PTPN13: variants seen among roughly 807,000 people sequenced by gnomAD.
PTPN13 encodes the protein tyrosine-protein phosphatase non-receptor type 13.
PTPN13 carries 191 observed loss-of-function variants against 284.0 expected under a neutral mutation model. That is an observed-to-expected ratio of 0.67 (90% confidence interval 0.60 to 0.76). The LOEUF (loss-of-function observed/expected upper bound fraction) is 0.76. Ranked by LOEUF, PTPN13 falls within the 30% of genes least tolerant of loss-of-function variation. PTPN13 has a pLI of 0.00. For missense variants in PTPN13, 2,797 were observed against 2,939.9 expected (o/e 0.95, Z 1.12); for synonymous variants, 986 against 1,022.3 (o/e 0.96, Z 0.68).
intron 35 of PTPN13, among the ~76,000 whole-genome samples, chr4:86,778,689 T>C (rs1740924449): frequency 6.6e-6 from 1 of 152,178 alleles, no homozygotes; most frequent in African/African-American, 2.4e-5. Context: ...TTTTGGTGTA[T>C]AAGCCATCAA....
At chr4:86,748,818 G>A (rs528237867) in intron 17 of PTPN13, among the ~76,000 whole-genome samples, 1 of 152,132 alleles carries the variant, frequency 6.6e-6, no homozygotes, top group East Asian at 1.9e-4. Context: ...ACCACGCCCA[G>A]CTAATTTTTT....
Position 86,780,554 on chromosome 4 carries a change from C to T in PTPN13, c.5962+82C>T, listed in dbSNP as rs541087617. ...ACATCCATTTTGGAAAACAGGTTGACAATTTCTTAAAAATTATAACTTACA... is the reference window on the plus strand; with the variant it reads ...ACATCCATTTTGGAAAACAGGTTGATAATTTCTTAAAAATTATAACTTACA... On this transcript the variant is annotated intron_variant, in intron 36 of 47. Transcript: ENST00000411767. 3.3e-5 allele frequency: 30 copies of T among 921,508 alleles called. No homozygotes were observed. The East Asian group carries it at 6.8e-4, about 21-fold the overall frequency. The allele number at this position is 921,508 out of a possible 1,614,324, so 57.1% of individuals were successfully genotyped here.
At chr4:86,663,747 A>C (rs1726771528) in intron 2 of PTPN13, among the ~76,000 whole-genome samples, 1 of 152,180 alleles carries the variant, frequency 6.6e-6, no homozygotes, top group Admixed American at 6.5e-5. Flanking sequence ...TGTAGTTGGA[A>C]ATTACTGATA....
intron 27 of PTPN13, 79 bp from the exon 28 acceptor site, chr4:86,767,738 T>C: frequency 6.0e-6 from 7 of 1,167,776 alleles, no homozygotes; most frequent in Non-Finnish European, 8.1e-6. Context: ...TTTATACCAT[T>C]AACTATACAA....
chr4:86,758,540 C>G, intron 21 of PTPN13, 138 bp from the exon 22 acceptor site: 1 of 943,904 alleles, frequency 1.1e-6, no homozygotes, highest in Non-Finnish European at 1.6e-6. Flanking sequence ...ACAAGAAATA[C>G]TTCCACAAAA....
intron 10 of PTPN13, among the ~76,000 whole-genome samples, chr4:86,730,037 T>C (rs2149119996): frequency 6.7e-6 from 1 of 149,750 alleles, no homozygotes; most frequent in African/African-American, 2.4e-5. Flanking sequence ...TTGATGTTGA[T>C]GGTATTCCTT....
chr4:86,761,271 A>G (rs748764929), intron 23 of PTPN13, among the ~76,000 whole-genome samples: 26 of 151,266 alleles, frequency 1.7e-4, no homozygotes, highest in African/African-American at 2.9e-4. Context: ...ATCCATGTAC[A>G]TGCATATCTT....
At chr4:86,684,655 A>G (rs1228274559) in intron 3 of PTPN13, among the ~76,000 whole-genome samples, 3 of 152,182 alleles carry the variant, frequency 2.0e-5, no homozygotes, top group African/African-American at 7.2e-5. Flanking sequence ...CACTTTTATT[A>G]CATATATCTG....
chr4:86,747,548 C>CA (rs1736917146), intron 17 of PTPN13, among the ~76,000 whole-genome samples: 2 of 144,536 alleles, frequency 1.4e-5, no homozygotes, highest in African/African-American at 5.2e-5. Context: ...GCAGCAGCAG[C>CA]GGCAGCAGCA....
chr4:86,656,019 T>A (rs1477570006), intron 2 of PTPN13, among the ~76,000 whole-genome samples: 1 of 152,214 alleles, frequency 6.6e-6, no homozygotes, highest in East Asian at 1.9e-4. Flanking sequence ...TACCCTTTCT[T>A]CCAGTTGATC....
intron 36 of PTPN13, 70 bp downstream of exon 36, chr4:86,780,542 A>G (rs942108169): frequency 9.7e-7 from 1 of 1,034,938 alleles, no homozygotes; most frequent in African/African-American, 1.6e-5. Context: ...TCCATTTTGG[A>G]AAACAGGTTG....
At chr4:86,604,504 G>T (rs1029184719) in intron 1 of PTPN13, among the ~76,000 whole-genome samples, 18 of 151,794 alleles carry the variant, frequency 1.2e-4, no homozygotes, top group African/African-American at 4.3e-4. Flanking sequence ...CTATTGCTTT[G>T]GTTATCAGAT....
chr4:86,768,407 T>C (rs1739575724), intron 28 of PTPN13, among the ~76,000 whole-genome samples: 1 of 152,216 alleles, frequency 6.6e-6, no homozygotes, highest in South Asian at 2.1e-4. Flanking sequence ...GTGGTCTTTG[T>C]TACAAACTAT....
intron 35 of PTPN13, among the ~76,000 whole-genome samples, chr4:86,779,541 GA>G (rs1337928232): frequency 5.9e-5 from 9 of 152,152 alleles, no homozygotes; most frequent in Admixed American, 3.3e-4. Flanking sequence ...CAGTCTGTAA[GA>G]AAGCCTGTTT....
chr4:86,701,135 T>G, intron 6 of PTPN13, 106 bp from the exon 7 acceptor site: 1 of 793,028 alleles, frequency 1.3e-6, no homozygotes, highest in Non-Finnish European at 1.9e-6. Context: ...ATCTTCCATT[T>G]GGAGCATTTA....
At chr4:86,721,291 A>G (rs1733620983) in intron 9 of PTPN13, among the ~76,000 whole-genome samples, 1 of 151,890 alleles carries the variant, frequency 6.6e-6, no homozygotes, top group Admixed American at 6.6e-5. Context: ...CCCTCCCCTT[A>G]AGTGAGAGAG....
chr4:86,683,479 G>T (rs111991475), intron 3 of PTPN13, among the ~76,000 whole-genome samples: 7,604 of 152,226 alleles, frequency 0.05, 261 homozygotes, highest in African/African-American at 0.073. Flanking sequence ...TGACCTTTCT[G>T]TTCTTTTCAG....
intron 5 of PTPN13, among the ~76,000 whole-genome samples, chr4:86,692,681 C>A (rs970173609): frequency 6.6e-6 from 1 of 152,056 alleles, no homozygotes; most frequent in Admixed American, 6.5e-5. Context: ...CAAGCAGATA[C>A]CCTTTGCTAA....
At chr4:86,676,646 C>G (rs924412838) in intron 3 of PTPN13, among the ~76,000 whole-genome samples, 1 of 152,122 alleles carries the variant, frequency 6.6e-6, no homozygotes, top group African/African-American at 2.4e-5. Context: ...ATAAAAAAAA[C>G]TGTGGAATAT....
Sources: gnomAD v4.1 joint callset for allele counts (sites outside exome capture counted in the v4.1 genomes callset) on GRCh38, gnomAD v4.1.1 for gene constraint, MANE v1.5 for transcripts, NCBI Gene and HGNC (gene_info 2026-07-23, HGNC 2026-07-21) for gene names.